The following SAXO5 variants were observed in gnomAD, a reference collection of about 807,000 sequenced individuals.
The protein encoded by SAXO5 is stabilizer of axonemal microtubules 5.
chr19:7,502,290 T>G, the SAXO5 span, among the ~76,000 whole-genome samples: 1 of 152,046 alleles, frequency 6.6e-6, no homozygotes, highest in African/African-American at 2.4e-5. Context: ...TGTACTTATT[T>G]GTAGAGATGC....
the SAXO5 span, chr19:7,505,841 C>G: frequency 9.5e-7 from 1 of 1,055,546 alleles, no homozygotes; most frequent in Non-Finnish European, 1.4e-6. Context: ...CCAGTGCTAC[C>G]AGGTGGGGCC....
chr19:7,501,977 C>T, the SAXO5 span, among the ~76,000 whole-genome samples: 1 of 151,394 alleles, frequency 6.6e-6, no homozygotes, highest in African/African-American at 2.4e-5. Context: ...CGGTGGCTCA[C>T]GCCTGTAATC....
At chr19:7,505,840 C>T in the SAXO5 span, 35 of 1,050,264 alleles carry the variant, frequency 3.3e-5, no homozygotes, top group East Asian at 2.8e-4. Flanking sequence ...CCCAGTGCTA[C>T]CAGGTGGGGC....
chr19:7,506,281 TCCCG>T, the SAXO5 span: 3 of 815,578 alleles, frequency 3.7e-6, no homozygotes, highest in Admixed American at 7.9e-5. Flanking sequence ...CGGAGCCCCG[TCCCG>T]GGAAGCCCAG....
At chr19:7,508,059 G>T in the SAXO5 span, 5 of 635,676 alleles carry the variant, frequency 7.9e-6, no homozygotes, top group South Asian at 9.6e-5. Context: ...CATCCTCCTT[G>T]GTCAGACACT....
the SAXO5 span, chr19:7,508,252 T>C: frequency 1.2e-6 from 2 of 1,614,036 alleles, no homozygotes; most frequent in South Asian, 1.1e-5. Context: ...CTGCGCTTCT[T>C]CTCAACACAA....
At chr19:7,504,318 C>G in the SAXO5 span, 1 of 1,614,178 alleles carries the variant, frequency 6.2e-7, no homozygotes, top group Non-Finnish European at 8.5e-7. Flanking sequence ...CAGGCCTCCT[C>G]CGGAGTGGAG....
chr19:7,507,009 G>A, the SAXO5 span: 3 of 1,512,410 alleles, frequency 2.0e-6, no homozygotes, highest in Admixed American at 1.7e-5. Flanking sequence ...CCTCAGCCCC[G>A]CCTCGGCCCA....
chr19:7,503,448 A>T, the SAXO5 span, among the ~76,000 whole-genome samples: 1 of 151,966 alleles, frequency 6.6e-6, no homozygotes, highest in African/African-American at 2.4e-5. Context: ...GGCTCAATAT[A>T]GTCCTTGGTA....
At chr19:7,508,371 G>A in the SAXO5 span, 1 of 1,613,716 alleles carries the variant, frequency 6.2e-7, no homozygotes, top group Non-Finnish European at 8.5e-7. Context: ...CGGCTGCAGG[G>A]AGAAGATAGA....
chr19:7,502,153 C>A, the SAXO5 span, among the ~76,000 whole-genome samples: 2 of 152,114 alleles, frequency 1.3e-5, no homozygotes, highest in South Asian at 4.1e-4. Flanking sequence ...GTCACCCAGG[C>A]TGGAGTGCAG....
chr19:7,501,404 G>A, the SAXO5 span: 1 of 1,479,580 alleles, frequency 6.8e-7, no homozygotes, highest in East Asian at 2.6e-5. Flanking sequence ...ACCTCGGTGA[G>A]CGCGCGCCCG....
At chr19:7,506,646 G>A in the SAXO5 span, 1 of 349,064 alleles carries the variant, frequency 2.9e-6, no homozygotes, top group Non-Finnish European at 5.4e-6. Context: ...CTAGCTCTGG[G>A]TTCCTCCCCT....
chr19:7,504,978 T>TC, the SAXO5 span, among the ~76,000 whole-genome samples: 2 of 144,432 alleles, frequency 1.4e-5, no homozygotes, highest in African/African-American at 5.2e-5. Flanking sequence ...TTCTTCTTCT[T>TC]TTTTTTTTTC....
chr19:7,502,870 C>T, the SAXO5 span, among the ~76,000 whole-genome samples: 1 of 152,086 alleles, frequency 6.6e-6, no homozygotes, highest in Admixed American at 6.6e-5. Context: ...AGCCAGCATT[C>T]GTGTAATTTT....
chr19:7,504,324 T>G, the SAXO5 span: 1 of 1,613,878 alleles, frequency 6.2e-7, no homozygotes, highest in Non-Finnish European at 8.5e-7. Flanking sequence ...TCCTCCGGAG[T>G]GGAGCTGGGA....
At chr19:7,505,254 A>G in the SAXO5 span, 2 of 1,472,282 alleles carry the variant, frequency 1.4e-6, no homozygotes, top group Non-Finnish European at 1.9e-6. Flanking sequence ...AAGTGCTGAG[A>G]TTACAGGGGT....
At chr19:7,507,957 G>A in the SAXO5 span, among the ~76,000 whole-genome samples, 5 of 150,992 alleles carry the variant, frequency 3.3e-5, no homozygotes, top group Admixed American at 1.3e-4. Flanking sequence ...GGACAATCCC[G>A]CCCCTTCGTG....
chr19:7,506,188 GC>G, the SAXO5 span: 2 of 1,534,332 alleles, frequency 1.3e-6, no homozygotes, highest in East Asian at 2.3e-5. Flanking sequence ...GGGAAGCCCC[GC>G]CCCATGGAGC....
Sources: allele counts gnomAD v4.1 joint callset (sites outside exome capture counted in the v4.1 genomes callset), GRCh38; gene constraint gnomAD v4.1.1; transcripts MANE v1.5; gene names NCBI Gene and HGNC (gene_info 2026-07-23, HGNC 2026-07-21).